NFATC1: variants seen among roughly 807,000 people sequenced by gnomAD.
NFATC1 encodes the protein nuclear factor of activated T-cells, cytoplasmic 1.
A neutral mutation model predicts 76.0 loss-of-function variants in NFATC1; 22 were observed. The ratio of observed to expected loss-of-function variants is 0.29; its 90% CI spans 0.21 to 0.41. The LOEUF is 0.41. Among genes scored for constraint, NFATC1 ranks in the 10% least tolerant of loss-of-function variants. The pLI, the probability that NFATC1 is intolerant of heterozygous loss-of-function variation, is 1.00. For missense variants in NFATC1, 1,357 were observed against 1,337.7 expected (o/e 1.01, Z -0.23); for synonymous variants, 704 against 613.1 (o/e 1.15, Z -2.19).
intron 2 of NFATC1, among the ~76,000 whole-genome samples, chr18:79,425,915 C>T (rs945408608): frequency 1.2e-4 from 18 of 152,192 alleles, no homozygotes; most frequent in Non-Finnish European, 2.6e-4. Flanking sequence ...AGATAAACCA[C>T]GATAAATGAG....
chr18:79,467,506 T>C lies in NFATC1; in HGVS notation c.2016T>C (p.Val672=). The change falls in exon 8 of 10, where the codon GTT becomes GTC. Residue 672 remains valine, a synonymous_variant. Transcript: ENST00000427363. Reference sequence around the variant, plus strand: ...GGAATCAGAGGATAACCAGCCCCGTTCACGTCAGTTTCTACGTCTGCAACG... The same window carrying C: ...GGAATCAGAGGATAACCAGCCCCGTCCACGTCAGTTTCTACGTCTGCAACG... The part of the protein sequence containing the change: ...PFRNQRITSP[V]HVSFYVCNGK... 3.1e-6 allele frequency: 5 copies of C among 1,613,658 alleles called. No homozygotes were observed. The highest frequency in any genetic ancestry group is 2.5e-6 in the Non-Finnish European group (3 of 1,179,714).
At chr18:79,489,233 G>A (rs1387501271) in intron 9 of NFATC1, among the ~76,000 whole-genome samples, 3 of 152,246 alleles carry the variant, frequency 2.0e-5, no homozygotes. Context: ...AGCTGCATGG[G>A]TGTGGGTGTG....
At chr18:79,467,726 C>T (rs1310342202) in intron 8 of NFATC1, 144 bp downstream of exon 8, 2 of 1,294,598 alleles carry the variant, frequency 1.5e-6, no homozygotes, top group Non-Finnish European at 2.0e-6. Context: ...ACCGAGCCAT[C>T]GATGCCCTGA....
chr18:79,496,941 C>G (rs1660153), intron 9 of NFATC1: 83,184 of 152,176 alleles, frequency 0.55, 26,088 homozygotes, highest in Non-Finnish European at 0.71. Context: ...TGAGGCAGAA[C>G]CAGGAGCGCC....
At chr18:79,512,476 C>G (rs1052702067) in intron 9 of NFATC1, among the ~76,000 whole-genome samples, 1 of 152,188 alleles carries the variant, frequency 6.6e-6, no homozygotes, top group African/African-American at 2.4e-5. Context: ...GAGAAGCAAC[C>G]CTGGCTAGGA....
At chr18:79,450,852 G>A in intron 4 of NFATC1, 102 bp from the exon 5 acceptor site, 1 of 1,442,036 alleles carries the variant, frequency 6.9e-7, no homozygotes, top group Non-Finnish European at 9.4e-7. Flanking sequence ...CCTGGCACGA[G>A]CTCGTGGGGC....
chr18:79,473,248 G>A (rs972221744), intron 8 of NFATC1, among the ~76,000 whole-genome samples: 6 of 152,280 alleles, frequency 3.9e-5, no homozygotes, highest in African/African-American at 1.4e-4. Flanking sequence ...ACAGCGGCCT[G>A]TGGGCCCCTC....
intron 1 of NFATC1, among the ~76,000 whole-genome samples, chr18:79,397,061 G>A (rs1438700736): frequency 6.6e-6 from 1 of 152,192 alleles, no homozygotes; most frequent in African/African-American, 2.4e-5. Context: ...GGCACAGTGT[G>A]GGTCCCTGAA....
chr18:79,464,710 A>ATATTTTTTTTTT (rs1568994866), intron 7 of NFATC1, among the ~76,000 whole-genome samples: 1 of 92,034 alleles, frequency 1.1e-5, no homozygotes, highest in Admixed American at 1.1e-4. Context: ...TTATTTATTT[A>ATATTTTTTTTTT]TTTTTTTTTT....
At chr18:79,404,679 G>A (rs2085373954) in intron 1 of NFATC1, among the ~76,000 whole-genome samples, 1 of 152,212 alleles carries the variant, frequency 6.6e-6, no homozygotes. Context: ...GTTTGTGAAA[G>A]ATGAGAGATC....
Position 79,486,310 on chromosome 18 carries a change from A to G in NFATC1, c.2155A>G (p.Ser719Gly). 6.2e-7 allele frequency: 1 copy of G among 1,613,150 alleles called. No homozygotes were observed. The highest frequency in any genetic ancestry group is 8.5e-7 in the Non-Finnish European group (1 of 1,179,978). Residue 719 changes from serine to glycine, a missense_variant, in exon 9 of 10, where the codon AGC becomes GGC. By Grantham distance (56) the Ser-to-Gly change is moderately conservative (BLOSUM62 0). This residue lies in a region of NFATC1 where 424 missense variants were observed against 395.4 expected (regional missense o/e 1.07). Coordinates refer to ENST00000427363, the MANE Select transcript of NFATC1 (RefSeq NM_001278669.2). ...GCCTGCTCCAACCTGTGGACCGGTG[A>G]GCCAGGGGTTAAGTCCTCTCCCAAG... ...YEPAPTCGPV[S>G]QGLSPLPRPY...
At chr18:79,415,138 G>C (rs906596939) in intron 2 of NFATC1, among the ~76,000 whole-genome samples, 1 of 152,152 alleles carries the variant, frequency 6.6e-6, no homozygotes, top group African/African-American at 2.4e-5. Context: ...GAGTCTCCAC[G>C]TGTCTCACTC....
Position 79,448,362 on chromosome 18 carries a change from C to CT in NFATC1, c.1387-419dup, listed in dbSNP as rs1260201209. On this transcript the variant is annotated intron_variant, in intron 3 of 9. Coordinates refer to ENST00000427363, the MANE Select transcript of NFATC1 (RefSeq NM_001278669.2). The stretch of plus-strand genomic sequence containing the variant: ...GGCGTCCCCTGATCAGGAGTGGGAG[C>CT]TGCGCGCTGCCCGGTTCCAGGTTAA... The CT allele has an allele frequency of 1.4e-5, 3 of 219,760 alleles. No homozygotes were observed. In the Admixed American group the frequency reaches 1.6e-4, roughly 11 times the overall value. The allele number at this position is 219,760 out of a possible 1,614,324, so 13.6% of individuals were successfully genotyped here.
chr18:79,518,967 G>A (rs535091044), intron 9 of NFATC1, among the ~76,000 whole-genome samples: 1 of 152,324 alleles, frequency 6.6e-6, no homozygotes, highest in East Asian at 1.9e-4. Context: ...GCAGAACGGG[G>A]TCTCAGTCAA....
intron 9 of NFATC1, among the ~76,000 whole-genome samples, chr18:79,513,795 C>G (rs968645894): frequency 3.9e-5 from 6 of 152,234 alleles, no homozygotes; most frequent in Non-Finnish European, 7.3e-5. Context: ...TTCGTGGACA[C>G]TCACCATGAG....
chr18:79,473,563 G>A (rs574678680), intron 8 of NFATC1, among the ~76,000 whole-genome samples: 1 of 147,790 alleles, frequency 6.8e-6, no homozygotes, highest in South Asian at 2.1e-4. Flanking sequence ...TGAGGGAAGC[G>A]TGTTCTCGCG....
intron 8 of NFATC1, among the ~76,000 whole-genome samples, chr18:79,480,439 C>T (rs957873455): frequency 2.6e-5 from 4 of 152,036 alleles, no homozygotes; most frequent in African/African-American, 9.7e-5. Flanking sequence ...GCTCCGAACC[C>T]GCAGGGCAAG....
chr18:79,400,175 A>T (rs2085140786), intron 1 of NFATC1: 1 of 1,137,560 alleles, frequency 8.8e-7, no homozygotes, highest in Non-Finnish European at 1.1e-6. Context: ...TTTATTTAAA[A>T]ACTCGTGTCC....
At chr18:79,480,261 G>C (rs2145018777) in intron 8 of NFATC1, among the ~76,000 whole-genome samples, 1 of 152,372 alleles carries the variant, frequency 6.6e-6, no homozygotes, top group African/African-American at 2.4e-5. Flanking sequence ...CCTGAGAGGA[G>C]CGTGTTGCCA....
Sources: allele counts gnomAD v4.1 joint callset (sites outside exome capture counted in the v4.1 genomes callset), GRCh38; gene constraint gnomAD v4.1.1; regional missense constraint gnomAD v4.1.1; transcripts MANE v1.5; gene names NCBI Gene and HGNC (gene_info 2026-07-23, HGNC 2026-07-21).